Variants in PCDHGB2 observed in about 807,000 individuals in gnomAD.
The protein encoded by PCDHGB2 is protocadherin gamma subfamily B, 2, also known as protocadherin gamma-B2.
Under a neutral mutation model 59.3 loss-of-function variants are expected in PCDHGB2, and 55 were observed. The observed-to-expected ratio is 0.93, with a 90% CI of 0.75 to 1.16. The LOEUF (loss-of-function observed/expected upper bound fraction) is 1.16. Ranked by LOEUF, PCDHGB2 falls within the 50% of genes most tolerant of loss-of-function variation. The probability of loss-of-function intolerance (pLI) is 0.00; values close to 1 mark genes in which losing one functional copy is unlikely to be tolerated. For synonymous variants in PCDHGB2, 516 were observed against 512.0 expected, an observed-to-expected ratio of 1.01 and a Z score of -0.11; for missense variants, 1,228 against 1,198.5, an observed-to-expected ratio of 1.02 and a Z score of -0.36.
chr5:141,432,367 C>A lies in PCDHGB2; in HGVS notation c.2422-62440C>A, dbSNP rs2097491556. 6.2e-7 allele frequency: 1 copy of A among 1,614,246 alleles called. No individual in the cohort carries two copies. The highest frequency in any genetic ancestry group is 8.5e-7 in the Non-Finnish European group (1 of 1,180,040). The stretch of plus-strand genomic sequence containing the variant: ...TGCAAGTGAAAGTGATGGCGCGGGA[C>A]AACGGGCACCCGCCCCTCAGCAGCA... On this transcript the variant is annotated intron_variant, in intron 1 of 3. Transcript: ENST00000522605. This position sits in a 1 kb window ranked among gnomAD's most constrained non-coding sequence, Gnocchi z 6.0.
intron 1 of PCDHGB2, chr5:141,409,152 T>C: frequency 6.2e-7 from 1 of 1,613,988 alleles, no homozygotes; most frequent in Non-Finnish European, 8.5e-7. Context: ...AGGTACACCA[T>C]GGAAGTGGAA....
chr5:141,511,695 C>A lies in PCDHGB2; in HGVS notation c.*522C>A, dbSNP rs1009832192. The A allele has an allele frequency of 9.7e-5, 19 of 195,544 alleles. No individual in the cohort carries two copies. The highest frequency in any genetic ancestry group is 1.7e-4 in the Non-Finnish European group (16 of 92,634). 12.1% of individuals were successfully genotyped at this position (195,544 alleles called of 1,614,324 possible). A position where few individuals can be genotyped will look rare whatever the true frequency, so the allele number is the denominator to read the frequency against. On this transcript the variant is annotated 3_prime_UTR_variant, in exon 4 of 4. Transcript: ENST00000522605. ...CTTCCCCCAAAGCATGGTTTGGTGC[C>A]AGCCCCTTCACCTCCTTCCAGAGCC...
intron 1 of PCDHGB2, chr5:141,416,286 T>C (rs1415036175): frequency 2.0e-5 from 3 of 152,304 alleles, no homozygotes; most frequent in Non-Finnish European, 4.4e-5. Context: ...AATTCTCTAA[T>C]TTCACACTGC....
chr5:141,393,555 C>G, intron 1 of PCDHGB2: 6 of 1,613,928 alleles, frequency 3.7e-6, no homozygotes, highest in Non-Finnish European at 5.1e-6. Flanking sequence ...CCCGATTTAC[C>G]GAGTGAAAGT....
chr5:141,419,647 G>C (rs370948584), intron 1 of PCDHGB2: 6 of 1,612,592 alleles, frequency 3.7e-6, no homozygotes, highest in Non-Finnish European at 5.1e-6. Context: ...CCGTGGACGC[G>C]GACTCGGGGC....
chr5:141,395,542 T>TTGTTTGTGTGTG (rs1267535064), intron 1 of PCDHGB2: 12 of 168,716 alleles, frequency 7.1e-5, no homozygotes, highest in African/African-American at 6.9e-4. Flanking sequence ...TTGCTATTGT[T>TTGTTTGTGTGTG]TGTGTGTGTG....
intron 1 of PCDHGB2, chr5:141,366,318 C>T (rs767826248): frequency 8.7e-6 from 14 of 1,613,774 alleles, no homozygotes; most frequent in Non-Finnish European, 1.2e-5. Flanking sequence ...GTCACCGTTG[C>T]CGTGGCCGAC....
At position 141,431,965 on chromosome 5, in the gene PCDHGB2, T is replaced by G. The variant is rs765281339; in HGVS notation, c.2422-62842T>G. ...TAGAAAAATCTTACGGAAATTACTATAGTTTAGTCACAGACATAGTCTTGG... is the reference window on the plus strand; with the variant it reads ...TAGAAAAATCTTACGGAAATTACTAGAGTTTAGTCACAGACATAGTCTTGG... On this transcript the variant is annotated intron_variant, in intron 1 of 3. Coordinates refer to ENST00000522605, the MANE Select transcript of PCDHGB2 (RefSeq NM_018923.3). This position sits in a 1 kb window ranked among gnomAD's most constrained non-coding sequence, Gnocchi z 4.8. The G allele has an allele frequency of 1.2e-6, 2 of 1,614,216 alleles. No individual in the cohort carries two copies. Among genetic ancestry groups the G allele is most frequent in the East Asian group, 4.5e-5 (2 of 44,892 alleles).
chr5:141,365,663 G>C lies in PCDHGB2; in HGVS notation c.2421+3107G>C, dbSNP rs117201633. The stretch of plus-strand genomic sequence containing the variant: ...CCACATCCCCTTGAAAGTAGCAGAC[G>C]TTAATGACAACCCACCCAATTTCCC... On this transcript the variant is annotated intron_variant, in intron 1 of 3. Transcript: ENST00000522605. 4.9e-5 allele frequency: 79 copies of C among 1,613,390 alleles called. No individual in the cohort carries two copies. The East Asian group carries it at 1.3e-3, about 26-fold the overall frequency.
chr5:141,399,584 C>A (rs765946308), intron 1 of PCDHGB2: 34 of 1,613,904 alleles, frequency 2.1e-5, no homozygotes, highest in Non-Finnish European at 2.6e-5. Context: ...GTCTCCTACT[C>A]TATCATGGCC....
rs764056952 is a variant in PCDHGB2 at position 141,405,326 on chromosome 5, T to G, written c.2421+42770T>G. On this transcript the variant is annotated intron_variant, in intron 1 of 3. Transcript: ENST00000522605. ...GAGCTGTGAGAAAAATGAGCCTTTG[T>G]GCGTCTCTGTTGATTCCAAGTTTCC... The G allele has an allele frequency of 2.5e-6, 4 of 1,614,220 alleles. No individual in the cohort carries two copies. Among genetic ancestry groups the G allele is most frequent in the Admixed American group, 3.3e-5 (2 of 60,026 alleles).
intron 1 of PCDHGB2, chr5:141,441,940 G>T (rs2098285664): frequency 5.9e-6 from 2 of 341,298 alleles, no homozygotes; most frequent in Non-Finnish European, 1.1e-5. Flanking sequence ...GTCCTACCAC[G>T]TGCTGCAGGC....
intron 1 of PCDHGB2, chr5:141,422,768 T>C: frequency 6.2e-7 from 1 of 1,613,824 alleles, no homozygotes. Context: ...AACACTGGTG[T>C]TCTCTATGCC....
intron 2 of PCDHGB2, among the ~76,000 whole-genome samples, chr5:141,497,781 C>T (rs2099779421): frequency 1.3e-5 from 2 of 152,192 alleles, no homozygotes; most frequent in African/African-American, 4.8e-5. Flanking sequence ...CTCAACTGAT[C>T]CACCTGCTTC....
At chr5:141,366,058 G>A in intron 1 of PCDHGB2, 2 of 1,614,242 alleles carry the variant, frequency 1.2e-6, no homozygotes, top group Non-Finnish European at 1.7e-6. Context: ...CGGGCGTGGA[G>A]CTGGCGCCTC....
chr5:141,387,871 G>A (rs1275687057), intron 1 of PCDHGB2: 4 of 1,589,520 alleles, frequency 2.5e-6, no homozygotes, highest in Admixed American at 1.8e-5. Context: ...AGCAAGCTGA[G>A]GAGAGCAAGA....
At chr5:141,472,412 G>C (rs1283620276) in intron 1 of PCDHGB2, among the ~76,000 whole-genome samples, 1 of 152,058 alleles carries the variant, frequency 6.6e-6, no homozygotes, top group Non-Finnish European at 1.5e-5. Context: ...GTGGTGGCAC[G>C]CACCTGTATC....
chr5:141,495,221 G>A lies in PCDHGB2; in HGVS notation c.2480+356G>A, dbSNP rs376660961. On this transcript the variant is annotated intron_variant, in intron 2 of 3. Coordinates refer to ENST00000522605, the MANE Select transcript of PCDHGB2 (RefSeq NM_018923.3). ...ACTGCCTAACCCCCTCCCCTGAGTT[G>A]AGCTGGGCTCCATTATGACCTGGGG... Among the ~76,000 whole-genome samples, 26 of 152,300 alleles carry A rather than the reference G, an allele frequency of 1.7e-4. 1 individual carries two copies. The East Asian group carries it at 4.4e-3, about 26-fold the overall frequency.
chr5:141,406,375 T>C (rs1427638211), intron 1 of PCDHGB2, among the ~76,000 whole-genome samples: 1 of 152,186 alleles, frequency 6.6e-6, no homozygotes, highest in Non-Finnish European at 1.5e-5. Flanking sequence ...GGTAAACTGA[T>C]AAAAAGGTAA....
Sources: allele counts gnomAD v4.1 joint callset (sites outside exome capture counted in the v4.1 genomes callset), GRCh38; gene constraint gnomAD v4.1.1; non-coding constraint Gnocchi (gnomAD v3.1); transcripts MANE v1.5; gene names NCBI Gene and HGNC (gene_info 2026-07-23, HGNC 2026-07-21).